PDE8B: variants seen among roughly 807,000 people sequenced by gnomAD.
The protein encoded by PDE8B is high affinity cAMP-specific and IBMX-insensitive 3',5'-cyclic phosphodiesterase 8B.
PDE8B carries 26 observed loss-of-function variants against 101.3 expected under a neutral mutation model. The observed-to-expected ratio is 0.26, with a 90% confidence interval of 0.19 to 0.36. The LOEUF (loss-of-function observed/expected upper bound fraction) is 0.36. Among genes scored for constraint, PDE8B ranks in the 10% least tolerant of loss-of-function variants. PDE8B has a pLI of 1.00. For missense variants in PDE8B, 810 were observed against 1,163.1 expected (o/e 0.70, Z 4.42); for synonymous variants, 424 against 429.3 (o/e 0.99, Z 0.15).
chr5:77,373,836 A>G (rs935986837), intron 10 of PDE8B, among the ~76,000 whole-genome samples: 1 of 151,980 alleles, frequency 6.6e-6, no homozygotes, highest in African/African-American at 2.4e-5. Flanking sequence ...GTTCTTCTTT[A>G]TAGCTGGTGA....
rs754990869 is a variant in PDE8B at position 77,418,219 on chromosome 5, C to T, written c.1912-10C>T. The stretch of plus-strand genomic sequence containing the variant: ...TGGGTAATGCTCAACCTTGCCTCCC[C>T]ATATCCCAGGGAAGCCTCGATCAGT... On this transcript the variant is annotated splice_polypyrimidine_tract_variant and intron_variant, in intron 17 of 21. Coordinates refer to ENST00000264917, the MANE Select transcript of PDE8B (RefSeq NM_003719.5). 1.6e-5 allele frequency: 26 copies of T among 1,582,464 alleles called. No individual in the cohort carries two copies. Among genetic ancestry groups the T allele is most frequent in the Non-Finnish European group, 2.2e-5 (25 of 1,151,176 alleles).
At chr5:77,243,504 T>C (rs2149561564) in intron 1 of PDE8B, among the ~76,000 whole-genome samples, 1 of 152,336 alleles carries the variant, frequency 6.6e-6, no homozygotes, top group African/African-American at 2.4e-5. Flanking sequence ...CTGTTTACAG[T>C]TGAGCCTGCT....
chr5:77,148,472 C>A, the PDE8B span: 9 of 152,120 alleles, frequency 5.9e-5, no homozygotes, highest in Admixed American at 1.3e-4. Context: ...CTAACATGAA[C>A]GGGCCATTTT....
chr5:77,160,084 C>A, the PDE8B span, among the ~76,000 whole-genome samples: 1 of 152,124 alleles, frequency 6.6e-6, no homozygotes, highest in Non-Finnish European at 1.5e-5. Flanking sequence ...CACCCCTAGC[C>A]CCTTCATCTA....
chr5:77,408,327 T>G (rs895552444), intron 13 of PDE8B, among the ~76,000 whole-genome samples: 4 of 152,226 alleles, frequency 2.6e-5, no homozygotes, highest in Admixed American at 2.0e-4. Context: ...AGAAGTGCTT[T>G]CTTTTGCAGT....
chr5:77,142,184 G>A, the PDE8B span: 1 of 152,084 alleles, frequency 6.6e-6, no homozygotes, highest in African/African-American at 2.4e-5. Flanking sequence ...CTGTGTCTGG[G>A]GATGTCACTT....
intron 10 of PDE8B, among the ~76,000 whole-genome samples, chr5:77,378,900 A>G (rs1301358261): frequency 6.6e-6 from 1 of 152,266 alleles, no homozygotes; most frequent in East Asian, 1.9e-4. Flanking sequence ...TTTCCATACT[A>G]GAAAACTCAG....
chr5:77,127,499 C>T, the PDE8B span, among the ~76,000 whole-genome samples: 1 of 152,068 alleles, frequency 6.6e-6, no homozygotes, highest in African/African-American at 2.4e-5. Flanking sequence ...ATAAATTACC[C>T]AGTCTTAGGT....
At chr5:77,224,647 G>A (rs2149450653) in intron 1 of PDE8B, among the ~76,000 whole-genome samples, 1 of 152,268 alleles carries the variant, frequency 6.6e-6, no homozygotes, top group Non-Finnish European at 1.5e-5. Flanking sequence ...ATACAAGACA[G>A]TGTTGAAGTT....
chr5:77,401,773 C>T (rs758150102), intron 11 of PDE8B, among the ~76,000 whole-genome samples: 1 of 151,970 alleles, frequency 6.6e-6, no homozygotes, highest in Non-Finnish European at 1.5e-5. Context: ...ATGTAAACAT[C>T]TGTTGAAAGA....
chr5:77,381,056 G>A (rs927873803), intron 10 of PDE8B, among the ~76,000 whole-genome samples: 2 of 152,210 alleles, frequency 1.3e-5, no homozygotes, highest in African/African-American at 4.8e-5. Context: ...AGAGCTCAGG[G>A]CAGAGTGGTG....
chr5:77,089,504 C>T, the PDE8B span: 1 of 152,154 alleles, frequency 6.6e-6, no homozygotes, highest in Non-Finnish European at 1.5e-5. Context: ...AACCTATTCC[C>T]CACCCCTGTC....
rs1794882922 is a variant in PDE8B, at chr5:77,413,143, C to G, written c.1745C>G (p.Ser582Cys). 2 of 1,613,994 alleles carry G rather than the reference C, an allele frequency of 1.2e-6. No individual in the cohort carries two copies. Residue 582 changes from serine to cysteine, a missense_variant, in exon 17 of 22, where the codon TCT becomes TGT. This residue lies in a region of PDE8B where 325 missense variants were observed against 560.9 expected (regional missense o/e 0.58). Coordinates refer to ENST00000264917, the MANE Select transcript of PDE8B (RefSeq NM_003719.5). ...GTTTATCTGGGCTTAAAGGTCTTCTCTCGGTTTGGAGTATGTGAATTTTTA... is the reference window on the plus strand; with the variant it reads ...GTTTATCTGGGCTTAAAGGTCTTCTGTCGGTTTGGAGTATGTGAATTTTTA... ...PLVYLGLKVF[S>C]RFGVCEFLNC...
chr5:77,286,571 T>C (rs1314280768), intron 1 of PDE8B, among the ~76,000 whole-genome samples: 1 of 150,090 alleles, frequency 6.7e-6, no homozygotes, highest in East Asian at 2.1e-4. Flanking sequence ...TCCAGAGCCC[T>C]TAGGTTGTCA....
In PDE8B at chr5:77,303,077, A is replaced by T. The variant is rs181761927; in HGVS notation, c.340-8917A>T. Among the ~76,000 whole-genome samples, 494 of 152,336 alleles carry T rather than the reference A, an allele frequency of 3.2e-3. 11 individuals are homozygous for T. Among genetic ancestry groups the T allele is most frequent in the Non-Finnish European group, 8.4e-4 (57 of 68,034 alleles). On this transcript the variant is annotated intron_variant, in intron 1 of 21. Coordinates refer to ENST00000264917, the MANE Select transcript of PDE8B (RefSeq NM_003719.5). The stretch of plus-strand genomic sequence containing the variant: ...TGGAAAAATAAAAAGCATGTGTAGA[A>T]TATTTATGTAGTGGCTAATGCTCCA...
chr5:77,325,517 T>C (rs752310187), intron 2 of PDE8B, 22 bp from the exon 3 acceptor site: 24 of 1,608,830 alleles, frequency 1.5e-5, no homozygotes, highest in Non-Finnish European at 1.9e-5. Context: ...TATTTCAAGA[T>C]GCCCTTTTTG....
chr5:77,238,482 C>G (rs941189127), intron 1 of PDE8B, among the ~76,000 whole-genome samples: 1 of 152,178 alleles, frequency 6.6e-6, no homozygotes, highest in Non-Finnish European at 1.5e-5. Flanking sequence ...AGTGTTAACT[C>G]TTGCTTATTG....
At chr5:77,246,632 T>C (rs1435906088) in intron 1 of PDE8B, 8 of 152,236 alleles carry the variant, frequency 5.3e-5, no homozygotes, top group Non-Finnish European at 7.3e-5. Flanking sequence ...TTACTTATTG[T>C]CTATGATAGC....
intron 1 of PDE8B, chr5:77,291,393 C>A (rs1030650329): frequency 6.2e-7 from 1 of 1,611,664 alleles, no homozygotes; most frequent in African/African-American, 1.3e-5. Context: ...GGTTATGGAT[C>A]GCCCTGGAAA....
Sources: allele counts gnomAD v4.1 joint callset (sites outside exome capture counted in the v4.1 genomes callset), GRCh38; gene constraint gnomAD v4.1.1; regional missense constraint gnomAD v4.1.1; transcripts MANE v1.5; gene names NCBI Gene and HGNC (gene_info 2026-07-23, HGNC 2026-07-21).